The following THSD4 variants were observed in gnomAD, a reference collection of about 807,000 sequenced individuals.
THSD4 encodes thrombospondin type 1 domain containing 4, also known as thrombospondin type-1 domain-containing protein 4.
In THSD4, 69 loss-of-function variants were observed where a neutral mutation model predicts 119.0. That is an observed-to-expected ratio of 0.58 (90% CI 0.48 to 0.71). The LOEUF (loss-of-function observed/expected upper bound fraction) is 0.71. Ranked by LOEUF, THSD4 falls within the 30% of genes least tolerant of loss-of-function variation. The pLI is 0.00. For missense variants in THSD4, 1,393 were observed against 1,391.1 expected (o/e 1.00, Z -0.02); for synonymous variants, 524 against 540.4 (o/e 0.97, Z 0.42).
At position 71,115,953 on chromosome 15, in the gene THSD4, G is replaced by T. The variant is rs928729679; in HGVS notation, c.-80+255G>T. Among the ~76,000 whole-genome samples the T allele has an allele frequency of 6.6e-6, 1 of 152,140 alleles. No homozygotes were observed. Among genetic ancestry groups the T allele is most frequent in the Non-Finnish European group, 1.5e-5 (1 of 68,000 alleles). On this transcript the variant is annotated intron_variant, in intron 1 of 17. Coordinates refer to ENST00000261862, the MANE Select transcript of THSD4 (RefSeq NM_024817.3). This position sits in a 1 kb window ranked among gnomAD's most constrained non-coding sequence, Gnocchi z 4.4. ...GCTGGGAGTCTTGCTCTGTGCTGGCGCCGGCGCTCATCCCTCCACCCTCGA... is the reference window on the plus strand; with the variant it reads ...GCTGGGAGTCTTGCTCTGTGCTGGCTCCGGCGCTCATCCCTCCACCCTCGA...
rs189084315 is a variant in THSD4 at position 71,703,995 on chromosome 15, G to A, written c.1358-24554G>A. On this transcript the variant is annotated intron_variant, in intron 8 of 17. Coordinates refer to ENST00000261862, the MANE Select transcript of THSD4 (RefSeq NM_024817.3). Reference sequence around the variant, plus strand: ...CTCCCGAGTAGCTGGGATTACAGGCGCCCACCACCACGCCCGGCTAATTTT... The same window carrying A: ...CTCCCGAGTAGCTGGGATTACAGGCACCCACCACCACGCCCGGCTAATTTT... Among the ~76,000 whole-genome samples, 4 of 152,108 alleles carry A rather than the reference G, an allele frequency of 2.6e-5. No homozygotes were observed. In the East Asian group the frequency reaches 5.8e-4, roughly 22 times the overall value.
At chr15:71,340,318 C>T (rs1239914165) in intron 6 of THSD4, among the ~76,000 whole-genome samples, 1 of 152,188 alleles carries the variant, frequency 6.6e-6, no homozygotes, top group East Asian at 1.9e-4. Context: ...GGTTGAAGGA[C>T]TTGCTGAAGG....
chr15:71,217,346 G>A (rs957334826), intron 4 of THSD4, among the ~76,000 whole-genome samples: 7 of 152,230 alleles, frequency 4.6e-5, no homozygotes, highest in South Asian at 2.1e-4. Context: ...GGCCAGGTGC[G>A]TTGGCTCACT....
upstream of THSD4, among the ~76,000 whole-genome samples, chr15:71,113,918 C>T (rs1009016257): frequency 1.2e-4 from 17 of 142,876 alleles, no homozygotes; most frequent in Admixed American, 8.1e-4. Context: ...TCTAAAGTTG[C>T]GCAGGTTTTT....
At chr15:71,618,969 A>ATTCTTTTTTTT in intron 7 of THSD4, among the ~76,000 whole-genome samples, 1 of 150,974 alleles carries the variant, frequency 6.6e-6, no homozygotes. Flanking sequence ...ATACTTGAAT[A>ATTCTTTTTTTT]TTCTTTTTTT....
At chr15:71,140,330 C>G (rs778772770) in intron 1 of THSD4, among the ~76,000 whole-genome samples, 1 of 152,092 alleles carries the variant, frequency 6.6e-6, no homozygotes, top group Non-Finnish European at 1.5e-5. Flanking sequence ...GTGTGTCACA[C>G]GGCAAGAGAG....
intron 3 of THSD4, among the ~76,000 whole-genome samples, chr15:71,199,714 G>GT (rs2043768521): frequency 1.9e-5 from 1 of 51,988 alleles, no homozygotes; most frequent in African/African-American, 1.3e-4. Context: ...CTGGGTGTGT[G>GT]GTGTGTGTGT....
chr15:71,384,674 G>T (rs556233744), intron 6 of THSD4, among the ~76,000 whole-genome samples: 1 of 152,078 alleles, frequency 6.6e-6, no homozygotes, highest in Non-Finnish European at 1.5e-5. Flanking sequence ...TAGGCTTCCC[G>T]GGTGAGCCTA....
At chr15:71,283,221 G>C (rs755284293) in intron 6 of THSD4, among the ~76,000 whole-genome samples, 2 of 152,014 alleles carry the variant, frequency 1.3e-5, no homozygotes, top group Non-Finnish European at 2.9e-5. Context: ...CGCCAGCCTC[G>C]GCCTCCCAAA....
chr15:71,394,266 CTTTTTTTTTT>C (rs58372446), intron 6 of THSD4, among the ~76,000 whole-genome samples: 7 of 89,692 alleles, frequency 7.8e-5, no homozygotes, highest in South Asian at 4.3e-4. Context: ...ACACATTTGT[CTTTTTTTTTT>C]TTTTTTTTTT....
intron 8 of THSD4, among the ~76,000 whole-genome samples, chr15:71,708,502 AAAAC>A (rs1240905555): frequency 6.6e-6 from 1 of 152,222 alleles, no homozygotes; most frequent in African/African-American, 2.4e-5. Context: ...TGCAGCCAGA[AAAAC>A]AAACTATATA....
intron 6 of THSD4, among the ~76,000 whole-genome samples, chr15:71,283,314 C>T (rs2044678714): frequency 6.6e-6 from 1 of 152,136 alleles, no homozygotes; most frequent in Non-Finnish European, 1.5e-5. Flanking sequence ...CTTGGTCAAG[C>T]TCATATGGCC....
intron 8 of THSD4, among the ~76,000 whole-genome samples, chr15:71,703,825 C>T (rs369109788): frequency 6.6e-6 from 1 of 152,174 alleles, no homozygotes; most frequent in South Asian, 2.1e-4. Flanking sequence ...TAATGAAAAA[C>T]TCTACAAAGA....
At chr15:71,148,576 C>A (rs2040688324) in intron 2 of THSD4, among the ~76,000 whole-genome samples, 1 of 152,012 alleles carries the variant, frequency 6.6e-6, no homozygotes, top group Non-Finnish European at 1.5e-5. Context: ...TTTAGAATAT[C>A]CTCTGGTGGG....
chr15:71,478,452 CTATT>C (rs2047681812), intron 7 of THSD4, among the ~76,000 whole-genome samples: 2 of 152,272 alleles, frequency 1.3e-5, no homozygotes, highest in East Asian at 1.9e-4. Context: ...CTGTGAGGAT[CTATT>C]TATTAAGCAG....
At chr15:71,489,929 T>A (rs561359873) in intron 7 of THSD4, among the ~76,000 whole-genome samples, 74 of 152,292 alleles carry the variant, frequency 4.9e-4, no homozygotes, top group Admixed American at 5.9e-4. Context: ...ACTGTTAAAA[T>A]CTTTGTGTAT....
chr15:71,728,254 C>T (rs1215848531), intron 8 of THSD4, among the ~76,000 whole-genome samples: 2 of 152,162 alleles, frequency 1.3e-5, no homozygotes, highest in African/African-American at 2.4e-5. Context: ...TCTTCCTCCT[C>T]TTTCTCCTTT....
At chr15:71,353,164 C>A (rs193244515) in intron 6 of THSD4, among the ~76,000 whole-genome samples, 2 of 152,156 alleles carry the variant, frequency 1.3e-5, no homozygotes, top group African/African-American at 4.8e-5. Flanking sequence ...CAGACATTGA[C>A]ACATGAAGCA....
intron 6 of THSD4, among the ~76,000 whole-genome samples, chr15:71,390,676 C>T (rs2046364440): frequency 1.3e-5 from 2 of 151,960 alleles, no homozygotes; most frequent in African/African-American, 4.8e-5. Context: ...AGTTACCTAG[C>T]AATTTTCCTT....
Sources: gnomAD v4.1 joint callset for allele counts (sites outside exome capture counted in the v4.1 genomes callset) on GRCh38, gnomAD v4.1.1 for gene constraint, Gnocchi (gnomAD v3.1) non-coding constraint, MANE v1.5 for transcripts, NCBI Gene and HGNC (gene_info 2026-07-23, HGNC 2026-07-21) for gene names.